GOLGA7B: variants seen among roughly 807,000 people sequenced by gnomAD.
GOLGA7B encodes the protein golgin A7 family member B, also known as golgin subfamily A member 7B.
In GOLGA7B, 17 loss-of-function variants were observed where a neutral mutation model predicts 21.5. That is an observed-to-expected ratio of 0.79 (90% CI 0.54 to 1.19). The LOEUF (loss-of-function observed/expected upper bound fraction) is 1.19, where lower values mean the gene tolerates loss of function less well. GOLGA7B is among the 50% of genes most tolerant of loss of function. The pLI is 0.00. For missense variants in GOLGA7B, 169 were observed against 224.4 expected (o/e 0.75, Z 1.58); for synonymous variants, 87 against 84.0 (o/e 1.04, Z -0.19).
rs1363108115 is a variant in GOLGA7B at position 97,859,541 on chromosome 10, C to T, written c.96C>T (p.Ile32=). Residue 32 remains isoleucine (I), a synonymous_variant, in exon 2 of 5, where the codon ATC becomes ATT. Coordinates refer to ENST00000370602, the MANE Select transcript of GOLGA7B (RefSeq NM_001010917.3). Reference sequence around the variant, plus strand: ...AGAGAGACTACAGCGATGGGACCATCTGTCAGTTCCAGACCAAATTCCCCC... The same window carrying T: ...AGAGAGACTACAGCGATGGGACCATTTGTCAGTTCCAGACCAAATTCCCCC... ...FIQRDYSDGT[I]CQFQTKFPPE... 6.2e-7 allele frequency: 1 copy of T among 1,614,190 alleles called. No homozygotes were observed. The highest frequency in any genetic ancestry group is 2.2e-5 in the East Asian group (1 of 44,882).
intron 1 of GOLGA7B, among the ~76,000 whole-genome samples, chr10:97,852,327 G>A (rs79107213): frequency 0.014 from 2,201 of 152,222 alleles, 56 homozygotes; most frequent in African/African-American, 0.05. Flanking sequence ...GCTGGAGTGT[G>A]GGGACTCAGG....
chr10:97,857,578 A>G (rs1273681788), intron 1 of GOLGA7B, among the ~76,000 whole-genome samples: 1 of 152,234 alleles, frequency 6.6e-6, no homozygotes, highest in Non-Finnish European at 1.5e-5. Flanking sequence ...CACAATCCCT[A>G]TCAAATTAGC....
intron 2 of GOLGA7B, among the ~76,000 whole-genome samples, chr10:97,863,431 C>G (rs2049984380): frequency 6.6e-6 from 1 of 152,130 alleles, no homozygotes; most frequent in Admixed American, 6.5e-5. Context: ...AGGAAATGCC[C>G]CTTCCTGGAG....
Position 97,864,084 on chromosome 10 carries a change from T to C in GOLGA7B, c.291+2T>C, listed in dbSNP as rs2049990744. 3 of 1,613,780 alleles carry C rather than the reference T, an allele frequency of 1.9e-6. No individual in the cohort carries two copies. The highest frequency in any genetic ancestry group is 1.1e-5 in the South Asian group (1 of 91,072). ...TGCATGGAGACCCACTATGAGAAGGTGGCCCCTCCCGCCCCACCGTGCATC... is the reference window on the plus strand; with the variant it reads ...TGCATGGAGACCCACTATGAGAAGGCGGCCCCTCCCGCCCCACCGTGCATC... On this transcript the variant is annotated splice_donor_variant, in intron 3 of 4. Coordinates refer to ENST00000370602, the MANE Select transcript of GOLGA7B (RefSeq NM_001010917.3). LOFTEE classifies it high-confidence loss of function.
chr10:97,864,297 G>A (rs756221268), intron 4 of GOLGA7B, 28 bp downstream of exon 4: 24 of 1,579,072 alleles, frequency 1.5e-5, no homozygotes, highest in Non-Finnish European at 2.1e-5. Flanking sequence ...TCTGTGTTGA[G>A]GGCACAGGAC....
rs537278557 is a variant in GOLGA7B at position 97,859,274 on chromosome 10, A to G, written c.13-184A>G. On this transcript the variant is annotated intron_variant, in intron 1 of 4. Transcript: ENST00000370602. ...GATAGCTCAGGGCAGCTTCTTGGGTAGACCCCACAGCCCTGCCTCCCTTGG... is the reference window on the plus strand; with the variant it reads ...GATAGCTCAGGGCAGCTTCTTGGGTGGACCCCACAGCCCTGCCTCCCTTGG... Among the ~76,000 whole-genome samples the G allele has an allele frequency of 5.5e-4, 84 of 152,348 alleles. 4 individuals are homozygous for G. The South Asian group carries it at 0.012, about 22-fold the overall frequency.
intron 1 of GOLGA7B, among the ~76,000 whole-genome samples, chr10:97,851,057 C>T (rs1198464682): frequency 6.6e-6 from 1 of 152,020 alleles, no homozygotes; most frequent in Non-Finnish European, 1.5e-5. Flanking sequence ...TAGGGATTGC[C>T]CTTTCCCCCC....
rs1342603104 is a variant in GOLGA7B at position 97,865,990 on chromosome 10, G to A, written c.*290G>A. 6 of 436,730 alleles carry A rather than the reference G, an allele frequency of 1.4e-5. No homozygotes were observed. Among genetic ancestry groups the A allele is most frequent in the Non-Finnish European group, 2.0e-5 (5 of 248,970 alleles). The allele number at this position is 436,730 out of a possible 1,614,324, so 27.1% of individuals were successfully genotyped here. ...GATCTTCCTAGGAAGGCTGGGGTGG[G>A]GAGAACACAACCTAGGCGGCCCCTC... On this transcript the variant is annotated 3_prime_UTR_variant, in exon 5 of 5. Coordinates refer to ENST00000370602, the MANE Select transcript of GOLGA7B (RefSeq NM_001010917.3).
intron 4 of GOLGA7B, 57 bp from the exon 5 acceptor site, chr10:97,865,533 A>G (rs775884488): frequency 2.5e-6 from 4 of 1,596,254 alleles, no homozygotes; most frequent in Admixed American, 1.7e-5. Flanking sequence ...CCGCTGGTTC[A>G]TGTCCCACCC....
rs1013783070 is a variant in GOLGA7B at position 97,869,992 on chromosome 10, C to A, written c.*4292C>A. 2 of 152,226 alleles carry A rather than the reference C, an allele frequency of 1.3e-5. No homozygotes were observed. The highest frequency in any genetic ancestry group is 2.9e-5 in the Non-Finnish European group (2 of 68,046). The allele number at this position is 152,226 out of a possible 1,614,324, so 9.4% of individuals were successfully genotyped here. ...CTGAATTTGAGCTCTGGCTTCATGACACTGACACATGAAGACTCTTGGAGC... is the reference window on the plus strand; with the variant it reads ...CTGAATTTGAGCTCTGGCTTCATGAAACTGACACATGAAGACTCTTGGAGC... On this transcript the variant is annotated 3_prime_UTR_variant, in exon 5 of 5. Coordinates refer to ENST00000370602, the MANE Select transcript of GOLGA7B (RefSeq NM_001010917.3).
rs766004551 is a variant in GOLGA7B at position 97,870,746 on chromosome 10, G to T, written c.*5046G>T. ...AACTCTATGTTACGTGTGTGTGTGT[G>T]TGTGTGTGTGAAAATGTAATGTCTG... On this transcript the variant is annotated 3_prime_UTR_variant, in exon 5 of 5. Coordinates refer to ENST00000370602, the MANE Select transcript of GOLGA7B (RefSeq NM_001010917.3). The T allele has an allele frequency of 7.2e-5, 11 of 152,100 alleles. No individual in the cohort carries two copies. Among genetic ancestry groups the T allele is most frequent in the Non-Finnish European group, 1.5e-4 (10 of 68,012 alleles). 9.4% of individuals were successfully genotyped at this position (152,100 alleles called of 1,614,324 possible). A position where few individuals can be genotyped will look rare whatever the true frequency, so the allele number is the denominator to read the frequency against.
chr10:97,869,606 T>A lies in GOLGA7B; in HGVS notation c.*3906T>A, dbSNP rs1324753333. 1 of 152,276 alleles carries A rather than the reference T, an allele frequency of 6.6e-6. No homozygotes were observed. The highest frequency in any genetic ancestry group is 1.9e-4 in the East Asian group (1 of 5,192). The allele number at this position is 152,276 out of a possible 1,614,324, so 9.4% of individuals were successfully genotyped here. On this transcript the variant is annotated 3_prime_UTR_variant, in exon 5 of 5. Transcript: ENST00000370602. ...GCGGGTGTGTGTGAAACCACAGGGTTTACAGAAGCTCGAGGTGCCACTGAG... is the reference window on the plus strand; with the variant it reads ...GCGGGTGTGTGTGAAACCACAGGGTATACAGAAGCTCGAGGTGCCACTGAG...
chr10:97,851,952 G>T (rs1000787039), intron 1 of GOLGA7B, among the ~76,000 whole-genome samples: 1 of 152,210 alleles, frequency 6.6e-6, no homozygotes, highest in African/African-American at 2.4e-5. Context: ...AAGCACTATC[G>T]CATAAGTGAT....
chr10:97,858,629 C>T (rs2049951049), intron 1 of GOLGA7B, among the ~76,000 whole-genome samples: 1 of 152,228 alleles, frequency 6.6e-6, no homozygotes, highest in African/African-American at 2.4e-5. Flanking sequence ...CCCTCTCCTT[C>T]CTGCCAGGGA....
rs2050093482 is a variant in GOLGA7B, at chr10:97,871,529, T to G, written c.*5829T>G. The G allele has an allele frequency of 6.6e-6, 1 of 152,232 alleles. No individual in the cohort carries two copies. Among genetic ancestry groups the G allele is most frequent in the Non-Finnish European group, 1.5e-5 (1 of 68,044 alleles). 9.4% of individuals were successfully genotyped at this position (152,232 alleles called of 1,614,324 possible). A position where few individuals can be genotyped will look rare whatever the true frequency, so the allele number is the denominator to read the frequency against. On this transcript the variant is annotated 3_prime_UTR_variant, in exon 5 of 5. Transcript: ENST00000370602. ...ATTCTGGCATAGAATAAACAGATAT[T>G]TATCCAAGGGTTCACTGATTCCCGA...
intron 2 of GOLGA7B, among the ~76,000 whole-genome samples, chr10:97,863,575 G>C (rs2049985991): frequency 6.6e-6 from 1 of 152,216 alleles, no homozygotes; most frequent in African/African-American, 2.4e-5. Context: ...ATACTCGTTT[G>C]ATCTTCTGCA....
rs764114183 is a variant in GOLGA7B, at chr10:97,864,158, C to A, written c.292-10C>A. 7 of 1,614,068 alleles carry A rather than the reference C, an allele frequency of 4.3e-6. No individual in the cohort carries two copies. The Admixed American group carries it at 8.3e-5, about 19-fold the overall frequency. ...GCATGCTCATCCTTGTCTGGCTCCT[C>A]TTTTTGCAGGTTCTCAAGAAGATTT... On this transcript the variant is annotated splice_polypyrimidine_tract_variant and intron_variant, in intron 3 of 4. Coordinates refer to ENST00000370602, the MANE Select transcript of GOLGA7B (RefSeq NM_001010917.3).
chr10:97,855,000 C>G (rs2049926421), intron 1 of GOLGA7B, among the ~76,000 whole-genome samples: 1 of 152,174 alleles, frequency 6.6e-6, no homozygotes. Flanking sequence ...CAAGCCTACA[C>G]ATGGCATTCG....
chr10:97,860,366 G>GT, intron 2 of GOLGA7B, among the ~76,000 whole-genome samples: 1 of 150,736 alleles, frequency 6.6e-6, no homozygotes, highest in African/African-American at 2.5e-5. Context: ...CAAATACTAG[G>GT]TCTTTTTTTT....
Sources: gnomAD v4.1 joint callset for allele counts (sites outside exome capture counted in the v4.1 genomes callset) on GRCh38, gnomAD v4.1.1 for gene constraint, MANE v1.5 for transcripts, NCBI Gene and HGNC (gene_info 2026-07-23, HGNC 2026-07-21) for gene names.